STK31: variants seen among roughly 807,000 people sequenced by gnomAD.
The protein encoded by STK31 is serine/threonine-protein kinase 31.
Under a neutral mutation model 129.7 loss-of-function variants are expected in STK31, and 89 were observed. The observed-to-expected ratio is 0.69, with a 90% CI of 0.58 to 0.82. The LOEUF is 0.82. STK31 is among the 40% of genes least tolerant of loss of function. The pLI is 0.00. For synonymous variants in STK31, 448 were observed against 395.3 expected, an observed-to-expected ratio of 1.13 and a Z score of -1.58; for missense variants, 1,187 against 1,176.4, an observed-to-expected ratio of 1.01 and a Z score of -0.13.
chr7:23,805,125 G>A (rs886720395), intron 22 of STK31, among the ~76,000 whole-genome samples: 2 of 151,798 alleles, frequency 1.3e-5, no homozygotes, highest in Non-Finnish European at 2.9e-5. Flanking sequence ...GCCCAGGCTA[G>A]GGTGCAGTGG....
intron 5 of STK31, 91 bp from the exon 6 acceptor site, chr7:23,729,000 C>G: frequency 8.9e-7 from 1 of 1,124,074 alleles, no homozygotes; most frequent in Non-Finnish European, 1.2e-6. Context: ...TTTTGATATA[C>G]AGGTCATTAA....
chr7:23,760,969 A>G (rs1789425194), intron 10 of STK31, among the ~76,000 whole-genome samples: 1 of 152,250 alleles, frequency 6.6e-6, no homozygotes, highest in East Asian at 1.9e-4. Flanking sequence ...CCCGTACCCT[A>G]GTTCTAAATG....
At chr7:23,754,629 T>TCCTCTAAATTCCCTCCCTCACCCC (rs1788940946) in intron 10 of STK31, among the ~76,000 whole-genome samples, 155 bp downstream of exon 10, 1 of 152,074 alleles carries the variant, frequency 6.6e-6, no homozygotes, top group African/African-American at 2.4e-5. Context: ...GCTGCACCTG[T>TCCTCTAAATTCCCTCCCTCACCCC]CCTCTAAATT....
intron 4 of STK31, among the ~76,000 whole-genome samples, chr7:23,726,680 A>T (rs1475494023): frequency 6.6e-6 from 1 of 152,048 alleles, no homozygotes; most frequent in Non-Finnish European, 1.5e-5. Flanking sequence ...TCTTTTATTA[A>T]ACATCATTCA....
intron 3 of STK31, among the ~76,000 whole-genome samples, chr7:23,716,310 G>A (rs6461728): frequency 0.53 from 80,912 of 151,956 alleles, 21,864 homozygotes; most frequent in East Asian, 0.63. Flanking sequence ...AGTCCTCTCA[G>A]TATATCATAT....
intron 4 of STK31, among the ~76,000 whole-genome samples, chr7:23,719,600 A>G (rs1354724343): frequency 2.6e-5 from 4 of 152,116 alleles, no homozygotes; most frequent in Non-Finnish European, 5.9e-5. Context: ...CCTTTCCTAA[A>G]TAGAAATGAG....
At chr7:23,723,212 CTT>C (rs1210194915) in intron 4 of STK31, among the ~76,000 whole-genome samples, 2 of 152,172 alleles carry the variant, frequency 1.3e-5, no homozygotes, top group Non-Finnish European at 2.9e-5. Context: ...TCTCTCTCCT[CTT>C]TTCTTTATAA....
intron 11 of STK31, among the ~76,000 whole-genome samples, chr7:23,764,400 T>TAAGTTTA (rs1244929001): frequency 6.6e-6 from 1 of 152,220 alleles, no homozygotes; most frequent in Admixed American, 6.5e-5. Flanking sequence ...AAAATATTCT[T>TAAGTTTA]TAAACTTCTC....
intron 10 of STK31, among the ~76,000 whole-genome samples, chr7:23,761,720 T>TA (rs1789477815): frequency 2.0e-5 from 3 of 151,516 alleles, no homozygotes; most frequent in Admixed American, 1.3e-4. Flanking sequence ...TTTTTTTTTT[T>TA]AATGATGAAA....
chr7:23,748,391 A>G (rs1340634541), intron 8 of STK31, among the ~76,000 whole-genome samples: 1 of 152,172 alleles, frequency 6.6e-6, no homozygotes, highest in Non-Finnish European at 1.5e-5. Context: ...TGAATCTTCC[A>G]TGTGATCTTG....
At chr7:23,829,019 C>T (rs1206403972) in intron 23 of STK31, among the ~76,000 whole-genome samples, 2 of 151,950 alleles carry the variant, frequency 1.3e-5, no homozygotes, top group South Asian at 4.2e-4. Context: ...CTTGCCTCAG[C>T]CTTGCCAAGT....
chr7:23,798,465 T>G (rs10215452), intron 22 of STK31, among the ~76,000 whole-genome samples: 24,669 of 85,898 alleles, frequency 0.29, 4,805 homozygotes, highest in Admixed American at 0.33. Flanking sequence ...TCAGTAAACA[T>G]AATGCATCAC....
chr7:23,726,476 C>T (rs6955516), intron 4 of STK31: 37,297 of 140,502 alleles, frequency 0.27, 5,248 homozygotes, highest in East Asian at 0.43. Flanking sequence ...TTAGCCCAGG[C>T]GTGGTGGTGC....
chr7:23,825,737 G>T (rs1047634381), intron 23 of STK31, among the ~76,000 whole-genome samples: 5 of 152,024 alleles, frequency 3.3e-5, no homozygotes, highest in East Asian at 1.9e-4. Context: ...TGGGCATTTA[G>T]TGCTATACAT....
intron 23 of STK31, among the ~76,000 whole-genome samples, chr7:23,831,914 G>A (rs1794573885): frequency 6.6e-6 from 1 of 152,170 alleles, no homozygotes; most frequent in South Asian, 2.1e-4. Flanking sequence ...TGGGATTACA[G>A]GCATAAGCCA....
intron 23 of STK31, among the ~76,000 whole-genome samples, chr7:23,819,357 T>A (rs1436890834): frequency 6.6e-6 from 1 of 152,164 alleles, no homozygotes; most frequent in Non-Finnish European, 1.5e-5. Context: ...CAAACTAAAA[T>A]TTCAAATCTT....
intron 3 of STK31, 112 bp downstream of exon 3, chr7:23,712,398 A>G: frequency 3.0e-6 from 3 of 993,796 alleles, no homozygotes; most frequent in South Asian, 1.5e-5. Flanking sequence ...TCATTGCCTA[A>G]TATTTATTGA....
At chr7:23,770,912 G>C in intron 13 of STK31, 93 bp from the exon 14 acceptor site, 1 of 1,294,382 alleles carries the variant, frequency 7.7e-7, no homozygotes, top group Admixed American at 2.7e-5. Context: ...ATCTGTTAAA[G>C]GCATAATTTT....
intron 6 of STK31, among the ~76,000 whole-genome samples, chr7:23,732,560 A>G (rs1213160585): frequency 2.6e-5 from 4 of 152,080 alleles, no homozygotes; most frequent in African/African-American, 9.7e-5. Context: ...ATTCAGGGAG[A>G]ATCTGTTTGA....
Sources: allele counts gnomAD v4.1 joint callset (sites outside exome capture counted in the v4.1 genomes callset), GRCh38; gene constraint gnomAD v4.1.1; transcripts MANE v1.5; gene names NCBI Gene and HGNC (gene_info 2026-07-23, HGNC 2026-07-21).